The following RAD51B variants were observed in gnomAD, a reference collection of about 807,000 sequenced individuals.
The protein encoded by RAD51B is RAD51 paralog B, also known as DNA repair protein RAD51 homolog 2.
A neutral mutation model predicts 42.2 loss-of-function variants in RAD51B; 38 were observed. The ratio of observed to expected loss-of-function variants is 0.90; its 90% CI spans 0.70 to 1.18. RAD51B has a LOEUF of 1.18. Among genes scored for constraint, RAD51B ranks in the 50% most tolerant of loss-of-function variants. RAD51B has a pLI of 0.00. For missense variants in RAD51B, 373 were observed against 400.7 expected (o/e 0.93, Z 0.59); for synonymous variants, 154 against 145.2 (o/e 1.06, Z -0.43).
At chr14:68,674,254 A>G (rs566660966) in intron 11 of RAD51B, among the ~76,000 whole-genome samples, 3 of 152,294 alleles carry the variant, frequency 2.0e-5, no homozygotes, top group Non-Finnish European at 2.9e-5. Flanking sequence ...TACACACTAT[A>G]TACACATATA....
intron 7 of RAD51B, among the ~76,000 whole-genome samples, chr14:68,065,346 A>G (rs957483166): frequency 1.3e-5 from 2 of 152,122 alleles, no homozygotes; most frequent in African/African-American, 4.8e-5. Flanking sequence ...TTAATGCTCC[A>G]GGGAAGTGTG....
chr14:67,956,929 G>C (rs1010427431), intron 7 of RAD51B, among the ~76,000 whole-genome samples: 1 of 152,204 alleles, frequency 6.6e-6, no homozygotes, highest in African/African-American at 2.4e-5. Flanking sequence ...TAGAGCTATA[G>C]AACATATTTT....
chr14:68,179,809 T>A (rs1343405562), intron 7 of RAD51B, among the ~76,000 whole-genome samples: 1 of 152,110 alleles, frequency 6.6e-6, no homozygotes, highest in African/African-American at 2.4e-5. Flanking sequence ...ATGACATGGG[T>A]AAACAGATGT....
At chr14:68,600,300 G>A (rs572254982), downstream of RAD51B, among the ~76,000 whole-genome samples, 1 of 152,338 alleles carries the variant, frequency 6.6e-6, no homozygotes, top group South Asian at 2.1e-4. Flanking sequence ...TCAGGGGACT[G>A]GGCCCGTCAT....
At chr14:68,048,354 T>C (rs953085067) in intron 7 of RAD51B, among the ~76,000 whole-genome samples, 8 of 152,232 alleles carry the variant, frequency 5.3e-5, no homozygotes, top group African/African-American at 1.9e-4. Flanking sequence ...CTTTGTCAGA[T>C]GAGTAGATTG....
At chr14:67,946,683 G>A (rs934042350) in intron 7 of RAD51B, among the ~76,000 whole-genome samples, 2 of 152,156 alleles carry the variant, frequency 1.3e-5, no homozygotes, top group Non-Finnish European at 2.9e-5. Flanking sequence ...TTCTTTTAGA[G>A]AAAACAAAAG....
intron 8 of RAD51B, among the ~76,000 whole-genome samples, chr14:68,329,614 G>A (rs1489362314): frequency 6.6e-6 from 1 of 152,178 alleles, no homozygotes; most frequent in East Asian, 1.9e-4. Context: ...AAACCCTGTA[G>A]AGGCTGGTTT....
chr14:68,207,889 C>T (rs925570248), intron 7 of RAD51B, among the ~76,000 whole-genome samples: 2 of 151,834 alleles, frequency 1.3e-5, no homozygotes, highest in African/African-American at 4.8e-5. Context: ...CAAGTCAGCT[C>T]ACGTTAATTA....
intron 5 of RAD51B, among the ~76,000 whole-genome samples, chr14:67,870,409 A>G (rs1282763760): frequency 1.3e-5 from 2 of 149,678 alleles, no homozygotes; most frequent in African/African-American, 2.5e-5. Context: ...ATATGCACCC[A>G]ATACAGGAGC....
At chr14:67,865,163 T>C (rs756663959) in intron 5 of RAD51B, 24 bp downstream of exon 5, 13 of 1,577,282 alleles carry the variant, frequency 8.2e-6, no homozygotes, top group East Asian at 2.3e-5. Context: ...TTTTCTATTA[T>C]AATGTTTTAC....
intron 7 of RAD51B, among the ~76,000 whole-genome samples, chr14:68,279,685 T>A (rs2081285563): frequency 6.6e-6 from 1 of 152,340 alleles, no homozygotes; most frequent in African/African-American, 2.4e-5. Flanking sequence ...TTTTTTTTCT[T>A]ATTTAGCACT....
At chr14:67,916,475 C>G (rs1244639899) in intron 7 of RAD51B, among the ~76,000 whole-genome samples, 1 of 152,058 alleles carries the variant, frequency 6.6e-6, no homozygotes, top group African/African-American at 2.4e-5. Context: ...CTCCTGGCCT[C>G]AAGTGATCCT....
intron 7 of RAD51B, among the ~76,000 whole-genome samples, chr14:67,937,909 T>G (rs970280847): frequency 6.6e-6 from 1 of 152,112 alleles, no homozygotes; most frequent in Admixed American, 6.5e-5. Context: ...TTTTTTTCTT[T>G]TTTTGCATTA....
chr14:68,465,982 A>G (rs1042152396), intron 9 of RAD51B, among the ~76,000 whole-genome samples: 1 of 151,434 alleles, frequency 6.6e-6, no homozygotes, highest in Non-Finnish European at 1.5e-5. Flanking sequence ...AAATAAATAA[A>G]TAAATAAATA....
rs535044457 is a variant in RAD51B at position 68,682,910 on chromosome 14, C to CTTTTTTTTTTT, written c.*11+32064_*11+32074dup. 1.3e-5 allele frequency: 9 copies of CTTTTTTTTTTT among 701,292 alleles called. 1 individual carries two copies. The highest frequency in any genetic ancestry group is 6.9e-5 in the South Asian group (1 of 14,402). The allele number at this position is 701,292 out of a possible 1,614,324, so 43.4% of individuals were successfully genotyped here. A position where few individuals can be genotyped will look rare whatever the true frequency, so the allele number is the denominator to read the frequency against. ...TTTAATAAAAATCTGTAGCTTATGG[C>CTTTTTTTTTTT]TTTTTTTTTTTTTTTTTTTTGTATA... On this transcript the variant is annotated intron_variant, in intron 11 of 11. Coordinates refer to the RAD51B transcript ENST00000488612.
chr14:68,547,352 A>G (rs1888289949), intron 10 of RAD51B, among the ~76,000 whole-genome samples: 1 of 152,150 alleles, frequency 6.6e-6, no homozygotes, highest in Admixed American at 6.5e-5. Context: ...CCGGCCATCC[A>G]CTGTTACCTT....
rs534136204 is a variant in RAD51B at position 68,290,891 on chromosome 14, C to T, written c.757-993C>T. Among the ~76,000 whole-genome samples, 45 of 152,154 alleles carry T rather than the reference C, an allele frequency of 3.0e-4. 2 individuals are homozygous for T. The South Asian group carries it at 9.1e-3, about 31-fold the overall frequency. ...GCACGATCTAAGCTCACTGCAACCT[C>T]GGCCTGCCGGGTTCAAGCAATTCTC... On this transcript the variant is annotated intron_variant, in intron 7 of 10. Coordinates refer to ENST00000471583, the MANE Select transcript of RAD51B (RefSeq NM_133510.4).
chr14:68,280,379 G>A (rs1453549533), intron 7 of RAD51B, among the ~76,000 whole-genome samples: 1 of 152,190 alleles, frequency 6.6e-6, no homozygotes, highest in South Asian at 2.1e-4. Flanking sequence ...TTCATATTGA[G>A]AACCTTTTTA....
intron 11 of RAD51B, among the ~76,000 whole-genome samples, chr14:68,654,769 AT>A (rs1467582379): frequency 3.3e-5 from 5 of 152,004 alleles, no homozygotes; most frequent in Non-Finnish European, 7.4e-5. Context: ...CCTGCAAGTT[AT>A]TTTTTTCAGG....
Sources: gnomAD v4.1 joint callset for allele counts (sites outside exome capture counted in the v4.1 genomes callset) on GRCh38, gnomAD v4.1.1 for gene constraint, MANE v1.5 for transcripts, NCBI Gene and HGNC (gene_info 2026-07-23, HGNC 2026-07-21) for gene names.